The following NEK5 variants were observed in gnomAD, a reference collection of about 807,000 sequenced individuals.
NEK5 encodes the protein serine/threonine-protein kinase Nek5.
Under a neutral mutation model 109.2 loss-of-function variants are expected in NEK5, and 88 were observed. The ratio of observed to expected loss-of-function variants is 0.81; its 90% CI spans 0.68 to 0.96. NEK5 has a LOEUF of 0.96. Ranked by LOEUF, NEK5 falls within the 40% of genes least tolerant of loss-of-function variation. The pLI is 0.00. For synonymous variants in NEK5, 283 were observed against 299.9 expected, an observed-to-expected ratio of 0.94 and a Z score of 0.58; for missense variants, 834 against 920.7, an observed-to-expected ratio of 0.91 and a Z score of 1.22.
chr13:52,065,363 T>A, intron 21 of NEK5, 121 bp downstream of exon 21: 2 of 1,320,400 alleles, frequency 1.5e-6, no homozygotes, highest in Non-Finnish European at 2.2e-6. Context: ...TATTTGAAAG[T>A]GTCTGATACA....
intron 3 of NEK5, among the ~76,000 whole-genome samples, chr13:52,125,330 G>C (rs893476274): frequency 6.6e-6 from 1 of 152,184 alleles, no homozygotes; most frequent in African/African-American, 2.4e-5. Context: ...TTGGGAGGCC[G>C]AGGCGGGTGG....
chr13:52,089,163 G>A, intron 14 of NEK5, 84 bp downstream of exon 14: 3 of 853,298 alleles, frequency 3.5e-6, no homozygotes, highest in Non-Finnish European at 5.9e-6. Context: ...CCTTCTGGTG[G>A]AATGAACTTT....
At chr13:52,067,770 C>A (rs1176250821) in intron 20 of NEK5, among the ~76,000 whole-genome samples, 1 of 149,764 alleles carries the variant, frequency 6.7e-6, no homozygotes, top group East Asian at 2.0e-4. Flanking sequence ...TGTCTCACTG[C>A]AACCTTCACC....
At chr13:52,038,934 T>C (rs1208657609) in intron 23 of NEK5, among the ~76,000 whole-genome samples, 1 of 152,092 alleles carries the variant, frequency 6.6e-6, no homozygotes, top group Admixed American at 6.6e-5. Context: ...CAATGGTTTT[T>C]GGTTATTGTT....
chr13:52,053,860 C>A (rs527995019), intron 22 of NEK5, among the ~76,000 whole-genome samples: 1 of 152,196 alleles, frequency 6.6e-6, no homozygotes, highest in Non-Finnish European at 1.5e-5. Context: ...CCACTGCTAG[C>A]GCTGAAAAAT....
At chr13:52,072,552 G>A (rs1348721447) in intron 19 of NEK5, among the ~76,000 whole-genome samples, 1 of 152,070 alleles carries the variant, frequency 6.6e-6, no homozygotes, top group Non-Finnish European at 1.5e-5. Flanking sequence ...ATTTCAGCAG[G>A]GCAACGTCAG....
intron 4 of NEK5, among the ~76,000 whole-genome samples, chr13:52,114,609 G>A (rs1305849640): frequency 6.6e-6 from 1 of 152,212 alleles, no homozygotes; most frequent in African/African-American, 2.4e-5. Flanking sequence ...TACTGTTAAG[G>A]AGGCGAAGTC....
At chr13:52,102,457 G>A (rs944193427) in intron 9 of NEK5, among the ~76,000 whole-genome samples, 165 bp from the exon 10 acceptor site, 2 of 152,214 alleles carry the variant, frequency 1.3e-5, no homozygotes, top group Non-Finnish European at 2.9e-5. Context: ...GGAGGCCAAG[G>A]CAGGAGGATC....
intron 15 of NEK5, among the ~76,000 whole-genome samples, chr13:52,086,736 C>CAGATGAG (rs1318006470): frequency 6.6e-6 from 1 of 152,164 alleles, no homozygotes; most frequent in African/African-American, 2.4e-5. Context: ...AGGGTCGCTG[C>CAGATGAG]AGATGAGACT....
intron 19 of NEK5, among the ~76,000 whole-genome samples, chr13:52,073,509 G>C (rs2137804554): frequency 6.6e-6 from 1 of 151,986 alleles, no homozygotes; most frequent in Admixed American, 6.6e-5. Context: ...TAGAGATGGG[G>C]TTTCACCATG....
chr13:52,050,712 GT>G (rs1226042037), intron 22 of NEK5, among the ~76,000 whole-genome samples: 3 of 119,400 alleles, frequency 2.5e-5, no homozygotes, highest in African/African-American at 9.3e-5. Flanking sequence ...TATTTCATTT[GT>G]TTTTTTCTTT....
rs144265538 is a variant in NEK5, at chr13:52,102,650, G to A, written c.610-358C>T. On this transcript the variant is annotated intron_variant, in intron 9 of 23. Transcript: ENST00000684899. ...CAAAGCTGCAGTAAGCCGTGATTGC[G>A]TCACTGCACTCCAGCCTGGGTGACA... 4.1e-3 allele frequency among the ~76,000 whole-genome samples: 619 copies of A among 152,262 alleles called. 3 individuals carry two copies. The highest frequency in any genetic ancestry group is 0.014 in the African/African-American group (601 of 41,546).
chr13:52,050,036 T>G (rs1037018115), intron 23 of NEK5, 68 bp downstream of exon 23: 4 of 488,866 alleles, frequency 8.2e-6, no homozygotes, highest in Non-Finnish European at 1.1e-5. Context: ...CTATTTTGAA[T>G]GTCTCAACTG....
At chr13:52,093,794 T>C (rs941526880) in intron 12 of NEK5, among the ~76,000 whole-genome samples, 2 of 152,164 alleles carry the variant, frequency 1.3e-5, no homozygotes, top group African/African-American at 4.8e-5. Context: ...ATGGCTAGTA[T>C]GTGAAAAATA....
rs1156850586 is a variant in NEK5, at chr13:52,058,347, GAATC to G, written c.2110+3468_2110+3471del. Among the ~76,000 whole-genome samples, 4 of 147,578 alleles carry G rather than the reference GAATC, an allele frequency of 2.7e-5. No individual in the cohort carries two copies. In the South Asian group the frequency reaches 6.8e-4, roughly 25 times the overall value. On this transcript the variant is annotated intron_variant, in intron 22 of 23. Transcript: ENST00000684899. ...AACATTCTATGCTCATGGGTAGGAAGAATCAATATCGTGAAAATGGCCATACTGC... is the reference window on the plus strand; with the variant it reads ...AACATTCTATGCTCATGGGTAGGAAGAATATCGTGAAAATGGCCATACTGC...
intron 3 of NEK5, among the ~76,000 whole-genome samples, chr13:52,126,352 C>T (rs1294972940): frequency 1.3e-5 from 2 of 152,204 alleles, no homozygotes; most frequent in Non-Finnish European, 1.5e-5. Context: ...TCTATTCATT[C>T]AGTGCACTCA....
In NEK5 at chr13:52,083,297, ACAGG is replaced by A. The variant is rs776390395; in HGVS notation, c.1531_1534del (p.Pro511SerfsTer19). The A allele has an allele frequency of 6.2e-7, 1 of 1,613,486 alleles. No individual in the cohort carries two copies. Among genetic ancestry groups the A allele is most frequent in the Non-Finnish European group, 8.5e-7 (1 of 1,179,396 alleles). ...TTCTCCCTCAGATGCATCTTGATGGACAGGCAGGTTACTCTTCTTCACCAAATAG... is the reference window on the plus strand; with the variant it reads ...TTCTCCCTCAGATGCATCTTGATGGACAGGTTACTCTTCTTCACCAAATAG... On this transcript the variant is annotated frameshift_variant, in exon 17 of 24. Transcript: ENST00000684899. LOFTEE classifies it high-confidence loss of function.
At chr13:52,043,628 C>T (rs1278761066) in intron 23 of NEK5, among the ~76,000 whole-genome samples, 2 of 151,306 alleles carry the variant, frequency 1.3e-5, no homozygotes, top group Non-Finnish European at 2.9e-5. Flanking sequence ...TTGAATCATA[C>T]CATTAAGAAA....
At chr13:52,057,066 A>C (rs1379156293) in intron 22 of NEK5, among the ~76,000 whole-genome samples, 2 of 152,136 alleles carry the variant, frequency 1.3e-5, no homozygotes, top group African/African-American at 2.4e-5. Context: ...CTAATAAAGA[A>C]AAAAAGAGAG....
Sources: allele counts gnomAD v4.1 joint callset (sites outside exome capture counted in the v4.1 genomes callset), GRCh38; gene constraint gnomAD v4.1.1; transcripts MANE v1.5; gene names NCBI Gene and HGNC (gene_info 2026-07-23, HGNC 2026-07-21).